The following KIZ variants were observed in gnomAD, a reference collection of about 807,000 sequenced individuals.
The protein encoded by KIZ is kizuna centrosomal protein.
KIZ carries 68 observed loss-of-function variants against 79.6 expected under a neutral mutation model. That is an observed-to-expected ratio of 0.85 (90% CI 0.70 to 1.05). The LOEUF (loss-of-function observed/expected upper bound fraction) is 1.05. Among genes scored for constraint, KIZ ranks in the 50% least tolerant of loss-of-function variants. The probability of loss-of-function intolerance (pLI) is 0.00; values close to 1 mark genes in which losing one functional copy is unlikely to be tolerated. For missense variants in KIZ, 797 were observed against 800.4 expected (o/e 1.00, Z 0.05); for synonymous variants, 280 against 281.8 (o/e 0.99, Z 0.06).
At chr20:21,192,151 G>A (rs1049885049) in intron 6 of KIZ, among the ~76,000 whole-genome samples, 2 of 151,942 alleles carry the variant, frequency 1.3e-5, no homozygotes, top group African/African-American at 4.8e-5. Context: ...GAAAACAATT[G>A]GAATTTGAAA....
At chr20:21,233,377 T>G (rs1247338288) in intron 11 of KIZ, among the ~76,000 whole-genome samples, 1 of 152,222 alleles carries the variant, frequency 6.6e-6, no homozygotes, top group Admixed American at 6.5e-5. Context: ...ACTCGCTTCT[T>G]GTAGGTTTTT....
intron 6 of KIZ, among the ~76,000 whole-genome samples, chr20:21,201,934 T>G (rs2035615738): frequency 6.6e-6 from 1 of 152,266 alleles, no homozygotes; most frequent in African/African-American, 2.4e-5. Flanking sequence ...AGCTTCCTTT[T>G]GTGCTTTAAG....
intron 11 of KIZ, among the ~76,000 whole-genome samples, chr20:21,241,983 G>C (rs996776929): frequency 1.3e-5 from 2 of 152,002 alleles, no homozygotes; most frequent in Non-Finnish European, 1.5e-5. Flanking sequence ...TTATATAATT[G>C]AATATTGATC....
chr20:21,149,644 A>T (rs892235898), intron 4 of KIZ, among the ~76,000 whole-genome samples: 5 of 152,194 alleles, frequency 3.3e-5, no homozygotes, highest in Non-Finnish European at 7.3e-5. Flanking sequence ...GTCAGAGAAG[A>T]CAGCACCCCA....
intron 11 of KIZ, among the ~76,000 whole-genome samples, chr20:21,243,412 C>G (rs551255458): frequency 2.0e-5 from 3 of 152,082 alleles, no homozygotes; most frequent in African/African-American, 7.2e-5. Flanking sequence ...TTTCCTGTGT[C>G]CAGAAGAACA....
In KIZ at chr20:21,235,236, G is replaced by A. The variant is rs75529456; in HGVS notation, c.1880+2406G>A. On this transcript the variant is annotated intron_variant, in intron 11 of 12. Transcript: ENST00000619189. ...TATACATGCTCATTTCATTGTGATG[G>A]TGGTGGGGTTCGGGTGCTTTCATAT... 3.4e-3 allele frequency among the ~76,000 whole-genome samples: 513 copies of A among 152,306 alleles called. 1 individual carries two copies. The highest frequency in any genetic ancestry group is 6.4e-3 in the East Asian group (33 of 5,186).
In KIZ at chr20:21,220,041, A is replaced by G. The variant is rs371247128; in HGVS notation, c.1678+4393A>G. On this transcript the variant is annotated intron_variant, in intron 9 of 12. Coordinates refer to ENST00000619189, the MANE Select transcript of KIZ (RefSeq NM_018474.6). ...TCACTAAAGAATCCAGGTGGAAATC[A>G]AAGATGAATTTTTATATCTATAAAT... Among the ~76,000 whole-genome samples the G allele has an allele frequency of 7.2e-5, 11 of 152,086 alleles. No individual in the cohort carries two copies. The East Asian group carries it at 2.1e-3, about 29-fold the overall frequency.
intron 9 of KIZ, among the ~76,000 whole-genome samples, chr20:21,224,132 T>G (rs1802571816): frequency 6.6e-6 from 1 of 152,136 alleles, no homozygotes; most frequent in African/African-American, 2.4e-5. Flanking sequence ...TAGCTGGGAC[T>G]ACAGGCACGC....
At chr20:21,170,106 G>A (rs1440963302) in intron 6 of KIZ, among the ~76,000 whole-genome samples, 1 of 152,070 alleles carries the variant, frequency 6.6e-6, no homozygotes, top group East Asian at 1.9e-4. Context: ...GATGGATCAT[G>A]TGTAAGTCTG....
At chr20:21,159,690 C>T (rs1338079874) in intron 4 of KIZ, among the ~76,000 whole-genome samples, 1 of 152,218 alleles carries the variant, frequency 6.6e-6, no homozygotes, top group Non-Finnish European at 1.5e-5. Flanking sequence ...TAACAGGTAT[C>T]AGTAATTCAT....
chr20:21,166,501 T>A, intron 6 of KIZ: 9 of 1,561,712 alleles, frequency 5.8e-6, no homozygotes, highest in Non-Finnish European at 7.9e-6. Context: ...GGACGATGAC[T>A]TTGGAGCACG....
intron 8 of KIZ, 127 bp downstream of exon 8, chr20:21,214,827 T>C (rs2123297982): frequency 3.9e-6 from 2 of 513,670 alleles, no homozygotes; most frequent in Middle Eastern, 2.8e-4. Flanking sequence ...CATAATATAG[T>C]ATTTGTTTTA....
At chr20:21,218,857 G>A (rs1300451696) in intron 9 of KIZ, among the ~76,000 whole-genome samples, 1 of 152,170 alleles carries the variant, frequency 6.6e-6, no homozygotes, top group Non-Finnish European at 1.5e-5. Flanking sequence ...GGCTACCTTA[G>A]TGTAACTACA....
chr20:21,172,577 T>A (rs2034257827), intron 6 of KIZ, among the ~76,000 whole-genome samples: 1 of 151,608 alleles, frequency 6.6e-6, no homozygotes, highest in Admixed American at 6.6e-5. Context: ...CCAGCCTGGG[T>A]GACAAAGAGA....
chr20:21,229,553 ATTATT>A (rs553915602), intron 10 of KIZ, among the ~76,000 whole-genome samples: 100 of 152,158 alleles, frequency 6.6e-4, no homozygotes, highest in South Asian at 2.1e-3. Flanking sequence ...GCTAAATTTT[ATTATT>A]TTATTTTATT....
In KIZ at chr20:21,164,780, C is replaced by T. The variant is rs148058153; in HGVS notation, c.1352+1621C>T. On this transcript the variant is annotated intron_variant, in intron 6 of 12. Coordinates refer to ENST00000619189, the MANE Select transcript of KIZ (RefSeq NM_018474.6). Reference sequence around the variant, plus strand: ...CTTGGAGTTTTGGCATATAGTTTTCCAGTATTTATTGGAAAATATGGGCAT... The same window carrying T: ...CTTGGAGTTTTGGCATATAGTTTTCTAGTATTTATTGGAAAATATGGGCAT... 3.1e-3 allele frequency among the ~76,000 whole-genome samples: 469 copies of T among 151,570 alleles called. 4 individuals carry two copies. The highest frequency in any genetic ancestry group is 0.011 in the African/African-American group (449 of 41,276).
chr20:21,165,069 A>G (rs542642927), intron 6 of KIZ, among the ~76,000 whole-genome samples: 1 of 152,304 alleles, frequency 6.6e-6, no homozygotes, highest in South Asian at 2.1e-4. Context: ...TTGGTCTGAG[A>G]CCATAGCATA....
intron 6 of KIZ, chr20:21,166,409 C>G: frequency 5.6e-6 from 9 of 1,597,056 alleles, no homozygotes; most frequent in Non-Finnish European, 7.7e-6. Context: ...CTGTGAGGTT[C>G]ACAACAATTT....
chr20:21,178,237 C>T (rs1301366893), intron 6 of KIZ, among the ~76,000 whole-genome samples: 1 of 151,942 alleles, frequency 6.6e-6, no homozygotes, highest in African/African-American at 2.4e-5. Flanking sequence ...TTGCTTGTAT[C>T]TTCTTTAATT....
Sources: allele counts gnomAD v4.1 joint callset (sites outside exome capture counted in the v4.1 genomes callset), GRCh38; gene constraint gnomAD v4.1.1; transcripts MANE v1.5; gene names NCBI Gene and HGNC (gene_info 2026-07-23, HGNC 2026-07-21).